Variants in SGMS1 observed in about 807,000 individuals in gnomAD.
The protein encoded by SGMS1 is sphingomyelin synthase 1, also known as phosphatidylcholine:ceramide cholinephosphotransferase 1.
Under a neutral mutation model 46.2 loss-of-function variants are expected in SGMS1, and 13 were observed. The ratio of observed to expected loss-of-function variants is 0.28; its 90% confidence interval spans 0.18 to 0.45. The LOEUF (loss-of-function observed/expected upper bound fraction) is 0.45. SGMS1 is among the 20% of genes least tolerant of loss of function. The pLI is 1.00. For missense variants in SGMS1, 324 were observed against 519.9 expected (o/e 0.62, Z 3.66); for synonymous variants, 203 against 187.8 (o/e 1.08, Z -0.66).
chr10:50,457,071 T>C (rs1414526861), intron 5 of SGMS1, among the ~76,000 whole-genome samples: 1 of 152,270 alleles, frequency 6.6e-6, no homozygotes, highest in South Asian at 2.1e-4. Context: ...TTTAACTAAA[T>C]TGAATGAGGA....
chr10:50,610,465 C>G (rs7094655), intron 1 of SGMS1, among the ~76,000 whole-genome samples: 108,294 of 152,024 alleles, frequency 0.71, 38,719 homozygotes, highest in South Asian at 0.8. Context: ...GTGGGCCACA[C>G]ATAGGGCCTT....
chr10:50,397,389 C>G (rs1414756263), intron 6 of SGMS1, among the ~76,000 whole-genome samples: 1 of 152,076 alleles, frequency 6.6e-6, no homozygotes, highest in Non-Finnish European at 1.5e-5. Flanking sequence ...CAGAAGAAAC[C>G]AAGTATGGTT....
chr10:50,348,588 A>G (rs529733098), intron 6 of SGMS1, among the ~76,000 whole-genome samples: 1 of 152,236 alleles, frequency 6.6e-6, no homozygotes, highest in South Asian at 2.1e-4. Context: ...AAAATAAAAT[A>G]CCTAGGAATC....
intron 6 of SGMS1, among the ~76,000 whole-genome samples, chr10:50,387,607 T>A (rs567278862): frequency 3.9e-4 from 60 of 152,306 alleles, no homozygotes; most frequent in Admixed American, 3.1e-3. Flanking sequence ...TAACCAGTGC[T>A]AACAGGTATA....
At chr10:50,574,602 A>G (rs563011168) in intron 2 of SGMS1, among the ~76,000 whole-genome samples, 51 of 152,302 alleles carry the variant, frequency 3.3e-4, no homozygotes, top group African/African-American at 1.2e-3. Context: ...AAAGTTAAAA[A>G]CTACCATATG....
intron 6 of SGMS1, among the ~76,000 whole-genome samples, chr10:50,369,708 G>C (rs551877126): frequency 6.6e-6 from 1 of 152,270 alleles, no homozygotes; most frequent in Admixed American, 6.5e-5. Flanking sequence ...GCACTGAAAA[G>C]AACCAGTTTC....
intron 2 of SGMS1, among the ~76,000 whole-genome samples, chr10:50,564,550 C>T (rs1255554210): frequency 1.3e-5 from 2 of 152,224 alleles, no homozygotes; most frequent in Middle Eastern, 3.4e-3. Flanking sequence ...GCATACACCC[C>T]GTAGCAAAGT....
At chr10:50,495,307 G>A (rs200983383) in intron 3 of SGMS1, among the ~76,000 whole-genome samples, 3 of 149,952 alleles carry the variant, frequency 2.0e-5, no homozygotes, top group African/African-American at 7.3e-5. Context: ...TGTGGAAGAG[G>A]CTTAATTAAT....
chr10:50,386,224 T>C (rs1341964012), intron 6 of SGMS1, among the ~76,000 whole-genome samples: 1 of 152,164 alleles, frequency 6.6e-6, no homozygotes, highest in East Asian at 1.9e-4. Context: ...CATGAAGAAT[T>C]ATAAAACTAA....
chr10:50,559,557 T>G (rs568707545), intron 2 of SGMS1, among the ~76,000 whole-genome samples: 30 of 152,310 alleles, frequency 2.0e-4, no homozygotes, highest in African/African-American at 7.0e-4. Flanking sequence ...GAAATTAAAC[T>G]TTAAAGAAGT....
intron 3 of SGMS1, among the ~76,000 whole-genome samples, chr10:50,504,902 A>G (rs902631383): frequency 6.6e-6 from 1 of 152,154 alleles, no homozygotes; most frequent in African/African-American, 2.4e-5. Flanking sequence ...ACCTCTCCCC[A>G]GTAGTAAAAA....
intron 2 of SGMS1, among the ~76,000 whole-genome samples, chr10:50,560,604 T>A (rs1838228588): frequency 6.8e-6 from 1 of 146,940 alleles, no homozygotes; most frequent in Non-Finnish European, 1.5e-5. Flanking sequence ...ATATGGCATA[T>A]AATACACAAT....
chr10:50,409,221 A>T (rs540561802), intron 6 of SGMS1, among the ~76,000 whole-genome samples: 1 of 152,368 alleles, frequency 6.6e-6, no homozygotes, highest in East Asian at 1.9e-4. Flanking sequence ...CATGACCTCC[A>T]GTATTTATTA....
chr10:50,399,757 G>A (rs1285566278), intron 6 of SGMS1, among the ~76,000 whole-genome samples: 1 of 152,102 alleles, frequency 6.6e-6, no homozygotes, highest in African/African-American at 2.4e-5. Flanking sequence ...GGCCAGGCAC[G>A]GCGGCTCACA....
intron 6 of SGMS1, among the ~76,000 whole-genome samples, chr10:50,423,433 G>A (rs1849280836): frequency 6.6e-6 from 1 of 152,190 alleles, no homozygotes. Context: ...AGGACCACCT[G>A]GTTGGATTGG....
intron 6 of SGMS1, among the ~76,000 whole-genome samples, chr10:50,386,867 T>C (rs1429733414): frequency 6.6e-6 from 1 of 152,198 alleles, no homozygotes; most frequent in Non-Finnish European, 1.5e-5. Flanking sequence ...AAGCCTACTA[T>C]GACCCGAGCT....
At chr10:50,346,125 T>C (rs1465412638) in intron 6 of SGMS1, among the ~76,000 whole-genome samples, 2 of 152,346 alleles carry the variant, frequency 1.3e-5, no homozygotes, top group East Asian at 3.9e-4. Context: ...TAATCCATTA[T>C]GTGAGCTTCA....
chr10:50,524,277 G>A (rs986105461), intron 2 of SGMS1, among the ~76,000 whole-genome samples: 29 of 152,194 alleles, frequency 1.9e-4, no homozygotes, highest in African/African-American at 6.7e-4. Flanking sequence ...ACCCTAATGA[G>A]GTACAAATTC....
chr10:50,610,153 C>G (rs1401093478), intron 1 of SGMS1, among the ~76,000 whole-genome samples: 1 of 152,140 alleles, frequency 6.6e-6, no homozygotes, highest in Non-Finnish European at 1.5e-5. Context: ...TGTTTCCCAT[C>G]CCACCCGTAA....
Sources: allele counts gnomAD v4.1 joint callset (sites outside exome capture counted in the v4.1 genomes callset), GRCh38; gene constraint gnomAD v4.1.1; transcripts MANE v1.5; gene names NCBI Gene and HGNC (gene_info 2026-07-23, HGNC 2026-07-21).